Variants in PRKAG2 observed in about 807,000 individuals in gnomAD.
PRKAG2 encodes protein kinase AMP-activated non-catalytic subunit gamma 2.
Under a neutral mutation model 69.6 loss-of-function variants are expected in PRKAG2, and 26 were observed. The observed-to-expected ratio is 0.37, with a 90% CI of 0.27 to 0.52. PRKAG2 has a LOEUF of 0.52. Ranked by LOEUF, PRKAG2 falls within the 20% of genes least tolerant of loss-of-function variation. The pLI, the probability that PRKAG2 is intolerant of heterozygous loss-of-function variation, is 0.90. For missense variants in PRKAG2, 557 were observed against 740.0 expected (o/e 0.75, Z 2.87); for synonymous variants, 293 against 285.0 (o/e 1.03, Z -0.28).
intron 11 of PRKAG2, 28 bp downstream of exon 11, chr7:151,568,688 G>A: frequency 6.2e-7 from 1 of 1,609,744 alleles, no homozygotes; most frequent in Non-Finnish European, 8.5e-7. Context: ...ATGCAATTAT[G>A]TCTTTAGAAA....
At chr7:151,731,052 TTTTA>T (rs952170515) in intron 3 of PRKAG2, among the ~76,000 whole-genome samples, 5 of 152,254 alleles carry the variant, frequency 3.3e-5, no homozygotes, top group Admixed American at 6.5e-5. Flanking sequence ...GCTAAATGGT[TTTTA>T]TTTAATTACT....
chr7:151,568,594 G>T, intron 11 of PRKAG2, 122 bp downstream of exon 11: 1 of 1,063,014 alleles, frequency 9.4e-7, no homozygotes. Flanking sequence ...CTGAAGTTTA[G>T]AAAGGGAGAC....
chr7:151,746,952 G>A (rs962102714), intron 3 of PRKAG2, among the ~76,000 whole-genome samples: 1 of 152,228 alleles, frequency 6.6e-6, no homozygotes, highest in Non-Finnish European at 1.5e-5. Flanking sequence ...AGGAATGAAG[G>A]GATTTTCTCA....
chr7:151,853,410 A>G (rs1473220026), intron 1 of PRKAG2, among the ~76,000 whole-genome samples: 1 of 152,216 alleles, frequency 6.6e-6, no homozygotes, highest in Non-Finnish European at 1.5e-5. Flanking sequence ...AATTTTGACA[A>G]TTTTATATGG....
chr7:151,583,349 C>G lies in PRKAG2; in HGVS notation c.865-6897G>C, dbSNP rs912843803. 3.3e-5 allele frequency among the ~76,000 whole-genome samples: 5 copies of G among 152,154 alleles called. No homozygotes were observed. Among genetic ancestry groups the G allele is most frequent in the African/African-American group, 9.7e-5 (4 of 41,434 alleles). On this transcript the variant is annotated intron_variant, in intron 6 of 15. Coordinates refer to ENST00000287878, the MANE Select transcript of PRKAG2 (RefSeq NM_016203.4). The surrounding 1 kb of genome is among the most constrained non-coding windows in gnomAD (Gnocchi z 4.1). ...ATACACTGTTGACCTGTCCGCAGGTCACTGAGGAAGTCTCAATTCCATCCT... is the reference window on the plus strand; with the variant it reads ...ATACACTGTTGACCTGTCCGCAGGTGACTGAGGAAGTCTCAATTCCATCCT...
chr7:151,835,724 C>A lies in PRKAG2; in HGVS notation c.114+40783G>T, dbSNP rs1447480684. 3.9e-5 allele frequency among the ~76,000 whole-genome samples: 6 copies of A among 152,318 alleles called. No individual in the cohort carries two copies. On this transcript the variant is annotated intron_variant, in intron 1 of 15. Transcript: ENST00000287878. The surrounding 1 kb of genome is among the most constrained non-coding windows in gnomAD (Gnocchi z 4.1). ...CAGGTCCTGTTGCAGGACAGTCACC[C>A]AGCATCCTGGCCCCACCCTGGGCTT...
chr7:151,622,209 C>T (rs917846587), intron 5 of PRKAG2, among the ~76,000 whole-genome samples: 3 of 152,184 alleles, frequency 2.0e-5, no homozygotes, highest in Non-Finnish European at 4.4e-5. Context: ...ATCCAAGTCC[C>T]CGCAAGTGTC....
chr7:151,642,646 T>A (rs1234959349), intron 4 of PRKAG2, among the ~76,000 whole-genome samples: 1 of 152,266 alleles, frequency 6.6e-6, no homozygotes, highest in African/African-American at 2.4e-5. Context: ...TAAATATTAG[T>A]TCCTCCCTAA....
intron 1 of PRKAG2, among the ~76,000 whole-genome samples, chr7:151,795,846 CATAT>C (rs55657994): frequency 0.11 from 5,868 of 55,740 alleles, 258 homozygotes; most frequent in East Asian, 0.16. Flanking sequence ...AAACAAATCT[CATAT>C]ATATATATAT....
chr7:151,841,970 A>G (rs2079305450), intron 1 of PRKAG2, among the ~76,000 whole-genome samples: 1 of 138,762 alleles, frequency 7.2e-6, no homozygotes, highest in Non-Finnish European at 1.5e-5. Context: ...GTAGGTAGGG[A>G]TGGTAGTGAT....
rs34229915 is a variant in PRKAG2 at position 151,749,786 on chromosome 7, G to GAA, written c.466+31364_466+31365dup. The stretch of plus-strand genomic sequence containing the variant: ...TCACATCCTCTAGGACAACCACACT[G>GAA]AAAAAAAAAAAAAAAAGGAAAAGAA... On this transcript the variant is annotated intron_variant, in intron 3 of 15. Transcript: ENST00000287878. Among the ~76,000 whole-genome samples the GAA allele has an allele frequency of 2.3e-3, 292 of 124,840 alleles. 2 individuals are homozygous for GAA. Among genetic ancestry groups the GAA allele is most frequent in the African/African-American group, 6.4e-3 (210 of 32,632 alleles). The allele number at this position is 124,840 out of a possible 152,430, so 81.9% of individuals were successfully genotyped here.
rs1365249398 is a variant in PRKAG2 at position 151,614,988 on chromosome 7, G to C, written c.754+17081C>G. ...TATGGATCCAGAGGGAACCTCGAGA[G>C]AGGAGCCGTGTGGATCCAGAGGGAA... On this transcript the variant is annotated intron_variant, in intron 5 of 15. Transcript: ENST00000287878. This position sits in a 1 kb window ranked among gnomAD's most constrained non-coding sequence, Gnocchi z 4.4. Among the ~76,000 whole-genome samples the C allele has an allele frequency of 6.6e-6, 1 of 151,970 alleles. No homozygotes were observed. Among genetic ancestry groups the C allele is most frequent in the Non-Finnish European group, 1.5e-5 (1 of 67,996 alleles).
chr7:151,865,120 A>T (rs1436129270), intron 1 of PRKAG2, among the ~76,000 whole-genome samples: 1 of 152,240 alleles, frequency 6.6e-6, no homozygotes, highest in African/African-American at 2.4e-5. Flanking sequence ...CCACAGGCAG[A>T]GTCTGTCCCT....
intron 1 of PRKAG2, among the ~76,000 whole-genome samples, chr7:151,813,069 C>A (rs1881636): frequency 6.6e-6 from 1 of 151,784 alleles, no homozygotes; most frequent in African/African-American, 2.4e-5. Flanking sequence ...TCGGGTGAGT[C>A]GGAGCCTGCC....
rs569905316 is a variant in PRKAG2, at chr7:151,851,504, G to A, written c.114+25003C>T. Among the ~76,000 whole-genome samples the A allele has an allele frequency of 1.2e-3, 188 of 152,314 alleles. 5 individuals are homozygous for A. In the South Asian group the frequency reaches 0.032, roughly 26 times the overall value. ...GGGATCTGAGACGTGGAGTCGCAAT[G>A]GCCAGTGTGGGCAAGCAGCTCTTGT... On this transcript the variant is annotated intron_variant, in intron 1 of 15. Transcript: ENST00000287878.
At chr7:151,796,327 C>A (rs1280158410) in intron 1 of PRKAG2, among the ~76,000 whole-genome samples, 1 of 152,188 alleles carries the variant, frequency 6.6e-6, no homozygotes, top group African/African-American at 2.4e-5. Flanking sequence ...GAGACACCCA[C>A]AGGCCCCAGC....
chr7:151,841,031 C>T (rs779288736), intron 1 of PRKAG2, among the ~76,000 whole-genome samples: 4 of 152,122 alleles, frequency 2.6e-5, no homozygotes, highest in Non-Finnish European at 5.9e-5. Flanking sequence ...CTCTGTTACC[C>T]AGCCTGAAGT....
chr7:151,682,938 C>CATGGCCAAAGTCACCCAAGAAGGCT (rs1483944710), intron 3 of PRKAG2, among the ~76,000 whole-genome samples: 2 of 152,234 alleles, frequency 1.3e-5, no homozygotes, highest in Non-Finnish European at 2.9e-5. Flanking sequence ...AGAACTGGGC[C>CATGGCCAAAGTCACCCAAGAAGGCT]ATGGCCAAAG....
rs1033427135 is a variant in PRKAG2 at position 151,736,022 on chromosome 7, A to G, written c.466+45130T>C. 4 of 1,536,058 alleles carry G rather than the reference A, an allele frequency of 2.6e-6. No homozygotes were observed. The African/African-American group carries it at 4.1e-5, about 16-fold the overall frequency. On this transcript the variant is annotated intron_variant, in intron 3 of 15. Transcript: ENST00000287878. ...TAGCTGTGGCCACAGGAGTGGCGAC[A>G]GGTGAACATATCAGGACCCACAGAA... is the stretch of plus-strand genomic sequence containing the variant.
Sources: gnomAD v4.1 joint callset for allele counts (sites outside exome capture counted in the v4.1 genomes callset) on GRCh38, gnomAD v4.1.1 for gene constraint, Gnocchi (gnomAD v3.1) non-coding constraint, MANE v1.5 for transcripts, NCBI Gene and HGNC (gene_info 2026-07-23, HGNC 2026-07-21) for gene names.